The following BRWD1 variants were observed in gnomAD, a reference collection of about 807,000 sequenced individuals.
BRWD1 encodes the protein bromodomain and WD repeat-containing protein 1.
BRWD1 carries 82 observed loss-of-function variants against 251.2 expected under a neutral mutation model. The observed-to-expected ratio is 0.33, with a 90% CI of 0.27 to 0.39. The LOEUF (loss-of-function observed/expected upper bound fraction) is 0.39. BRWD1 is among the 10% of genes least tolerant of loss of function. BRWD1 has a pLI of 1.00. For synonymous variants in BRWD1, 918 were observed against 902.8 expected (o/e 1.02, Z -0.30); for missense variants, 2,233 against 2,711.6 (o/e 0.82, Z 3.92).
At chr21:39,312,792 G>C in intron 4 of BRWD1, 49 bp downstream of exon 4, 3 of 1,470,244 alleles carry the variant, frequency 2.0e-6, no homozygotes, top group South Asian at 1.2e-5. Flanking sequence ...GGGCGGGGGC[G>C]GGGGGCGGTG....
chr21:39,271,343 A>G (rs866296522), intron 13 of BRWD1, among the ~76,000 whole-genome samples: 8 of 151,852 alleles, frequency 5.3e-5, no homozygotes, highest in Admixed American at 1.3e-4. Flanking sequence ...AGTAGTCAAC[A>G]GTGGGGTAGG....
At chr21:39,298,151 TAAG>T in intron 5 of BRWD1, 2 of 1,067,976 alleles carry the variant, frequency 1.9e-6, no homozygotes, top group Non-Finnish European at 2.3e-6. Flanking sequence ...AATGGAAAAT[TAAG>T]AACTCACATT....
At chr21:39,207,004 T>C (rs1000850228) in intron 36 of BRWD1, among the ~76,000 whole-genome samples, 8 of 152,234 alleles carry the variant, frequency 5.3e-5, no homozygotes, top group Admixed American at 4.6e-4. Flanking sequence ...CAGAAAACTT[T>C]TTTAAAAAGT....
In BRWD1 at chr21:39,200,282, T is replaced by C. The variant is rs780220382; in HGVS notation, c.4690A>G (p.Ser1564Gly). Reference protein sequence around the residue: ...SSRARESSSRSGLSRSSNLRV... With the variant: ...SSRARESSSRGGLSRSSNLRV... The stretch of plus-strand genomic sequence containing the variant: ...AGATTGCTGCTTCTGGATAGCCCAC[T>C]GCGTGAGGAGGATTCACGAGCTCTG... The change falls in exon 39 of 41, where the codon AGT (serine) becomes GGT (glycine). Residue 1564 changes from serine (S) to glycine (G), a missense_variant. Ser to Gly is a moderately conservative substitution (Grantham distance 56, BLOSUM62 0). This residue lies in a region of BRWD1 where 928 missense variants were observed against 970.0 expected (regional missense o/e 0.96). Transcript: ENST00000342449. The C allele has an allele frequency of 6.2e-7, 1 of 1,614,144 alleles. No homozygotes were observed. The highest frequency in any genetic ancestry group is 1.1e-5 in the South Asian group (1 of 91,084).
rs144677835 is a variant in BRWD1 at position 39,270,025 on chromosome 21, A to C, written c.1404T>G (p.Ala468=). The part of the protein sequence containing the change: ...GQLLHNLMGH[A]DEVFVLETHP... ...GTGTCTCCAGAACAAATACTTCATC[A>C]GCATGTCCCTTTATTTAACAAAGTC... The change falls in exon 15 of 41, where the codon GCT becomes GCG. Residue 468 remains alanine (A), a synonymous_variant. Coordinates refer to ENST00000342449, the MANE Select transcript of BRWD1 (RefSeq NM_033656.4). 2 of 1,565,738 alleles carry C rather than the reference A, an allele frequency of 1.3e-6. No homozygotes were observed. The highest frequency in any genetic ancestry group is 1.7e-6 in the Non-Finnish European group (2 of 1,157,592).
intron 27 of BRWD1, among the ~76,000 whole-genome samples, chr21:39,226,055 T>C (rs1386082991): frequency 9.2e-5 from 14 of 152,192 alleles, no homozygotes; most frequent in Admixed American, 9.2e-4. Flanking sequence ...GAGTCTTTGA[T>C]ATAAAAAATT....
chr21:39,253,219 G>A (rs1046613243), intron 19 of BRWD1, among the ~76,000 whole-genome samples: 2 of 145,642 alleles, frequency 1.4e-5, no homozygotes, highest in East Asian at 2.1e-4. Flanking sequence ...AGCCCAGGAG[G>A]AGAGGCTGCA....
At chr21:39,223,872 T>C (rs2033276773) in intron 29 of BRWD1, among the ~76,000 whole-genome samples, 1 of 152,164 alleles carries the variant, frequency 6.6e-6, no homozygotes, top group African/African-American at 2.4e-5. Flanking sequence ...TTTTCTGAGA[T>C]GGAGTCTCGC....
At chr21:39,271,696 C>A (rs1313114901) in intron 13 of BRWD1, among the ~76,000 whole-genome samples, 208 of 59,812 alleles carry the variant, frequency 3.5e-3, no homozygotes, top group East Asian at 0.021. Context: ...GACTCCGTCT[C>A]AAAAAAAAAA....
At chr21:39,202,087 G>A (rs747366226) in intron 38 of BRWD1, among the ~76,000 whole-genome samples, 5 of 152,226 alleles carry the variant, frequency 3.3e-5, no homozygotes, top group Non-Finnish European at 5.9e-5. Context: ...CACCAAGTGT[G>A]AAGAATCTAT....
chr21:39,314,015 G>A (rs1423365586), upstream of BRWD1: 1 of 454,270 alleles, frequency 2.2e-6, no homozygotes, highest in Non-Finnish European at 4.4e-6. Flanking sequence ...GGTCCTCTAC[G>A]CGGGACCGCA....
intron 1 of BRWD1, among the ~76,000 whole-genome samples, chr21:39,320,194 A>G (rs1020906665): frequency 5.9e-5 from 9 of 152,042 alleles, no homozygotes; most frequent in African/African-American, 2.2e-4. Flanking sequence ...TGGAGTTTCC[A>G]TTTTCCCAGC....
intron 4 of BRWD1, among the ~76,000 whole-genome samples, chr21:39,307,771 G>T (rs114264737): frequency 6.6e-6 from 1 of 152,266 alleles, no homozygotes; most frequent in African/African-American, 2.4e-5. Flanking sequence ...TTTCCCACAA[G>T]TCTTGAAACT....
chr21:39,212,273 A>C (rs987230815), intron 34 of BRWD1, among the ~76,000 whole-genome samples: 1 of 152,140 alleles, frequency 6.6e-6, no homozygotes, highest in Non-Finnish European at 1.5e-5. Flanking sequence ...ACTTTAAATG[A>C]AATCCTTGGA....
chr21:39,256,205 C>T (rs952242794), intron 18 of BRWD1, among the ~76,000 whole-genome samples: 1 of 152,176 alleles, frequency 6.6e-6, no homozygotes, highest in Non-Finnish European at 1.5e-5. Context: ...TTTTACTAGA[C>T]TTTCTGAAAT....
chr21:39,209,984 T>C lies in BRWD1; in HGVS notation c.4197+11A>G, dbSNP rs1395020209. 8 of 1,607,388 alleles carry C rather than the reference T, an allele frequency of 5.0e-6. No individual in the cohort carries two copies. Among genetic ancestry groups the C allele is most frequent in the Non-Finnish European group, 6.8e-6 (8 of 1,176,834 alleles). On this transcript the variant is annotated intron_variant, in intron 36 of 40. Transcript: ENST00000342449. ...AGGCAGTTTTTTTCAATAAACCACA[T>C]AAAAAATTACCTTTGATCTTTTGTT...
chr21:39,308,780 A>G lies in BRWD1; in HGVS notation c.198+4061T>C, dbSNP rs142891399. Among the ~76,000 whole-genome samples the G allele has an allele frequency of 4.4e-3, 675 of 152,320 alleles. 5 individuals carry two copies. The highest frequency in any genetic ancestry group is 0.016 in the African/African-American group (652 of 41,566). The stretch of plus-strand genomic sequence containing the variant: ...AGTTACCATCATAAGGAACAATAAG[A>G]CAAATACAGAATGTAAAACATTCTA... On this transcript the variant is annotated intron_variant, in intron 4 of 40. Transcript: ENST00000342449.
In BRWD1 at chr21:39,199,259, GTC is replaced by G. The variant is rs1321284567; in HGVS notation, c.5155_5156del (p.Asp1719LeufsTer6). ...QSNVDESENR[D>X]SESESDLRVA... is the part of the protein sequence containing the mutation. Reference sequence around the variant, plus strand: ...CCCGCAAATCACTTTCTGACTCTGAGTCTCTGTTTTCAGATTCATCAACATTG... The same window carrying G: ...CCCGCAAATCACTTTCTGACTCTGAGTCTGTTTTCAGATTCATCAACATTG... On this transcript the variant is annotated frameshift_variant, in exon 40 of 41. Transcript: ENST00000342449. LOFTEE classifies it high-confidence loss of function. The G allele has an allele frequency of 6.2e-7, 1 of 1,614,216 alleles. No individual in the cohort carries two copies. The highest frequency in any genetic ancestry group is 8.5e-7 in the Non-Finnish European group (1 of 1,180,044).
intron 40 of BRWD1, 144 bp downstream of exon 40, chr21:39,198,619 T>C (rs111740574): frequency 7.7e-6 from 5 of 649,862 alleles, no homozygotes; most frequent in African/African-American, 7.3e-5. Flanking sequence ...CAGAGAAGGC[T>C]AACACAGAAT....
Sources: gnomAD v4.1 joint callset for allele counts (sites outside exome capture counted in the v4.1 genomes callset) on GRCh38, gnomAD v4.1.1 for gene constraint, gnomAD v4.1.1 regional missense constraint, MANE v1.5 for transcripts, NCBI Gene and HGNC (gene_info 2026-07-23, HGNC 2026-07-21) for gene names.